Variants in SNX14 observed in about 807,000 individuals in gnomAD.
SNX14 encodes sorting nexin 14.
In SNX14, 93 loss-of-function variants were observed where a neutral mutation model predicts 133.8. That is an observed-to-expected ratio of 0.70 (90% CI 0.59 to 0.83). SNX14 has a LOEUF of 0.83. Ranked by LOEUF, SNX14 falls within the 40% of genes least tolerant of loss-of-function variation. The probability of loss-of-function intolerance (pLI) is 0.00; values close to 1 mark genes in which losing one functional copy is unlikely to be tolerated. For synonymous variants in SNX14, 368 were observed against 365.6 expected (o/e 1.01, Z -0.07); for missense variants, 945 against 1,094.9 (o/e 0.86, Z 1.93).
chr6:85,506,399 C>G (rs891530997), intron 28 of SNX14, among the ~76,000 whole-genome samples: 1 of 152,002 alleles, frequency 6.6e-6, no homozygotes, highest in African/African-American at 2.4e-5. Context: ...TCACTGCAAC[C>G]TCCTCCTCCC....
At chr6:85,552,288 G>A (rs144730082) in intron 7 of SNX14, among the ~76,000 whole-genome samples, 5,390 of 152,002 alleles carry the variant, frequency 0.035, 156 homozygotes, top group Non-Finnish European at 0.048. Flanking sequence ...CGCCCGCCTC[G>A]GCCTCCCAAA....
chr6:85,510,071 A>T (rs1416316168), intron 26 of SNX14, among the ~76,000 whole-genome samples: 1 of 152,156 alleles, frequency 6.6e-6, no homozygotes, highest in African/African-American at 2.4e-5. Flanking sequence ...GTTGCTTCCA[A>T]GTTTTGGCAA....
chr6:85,551,157 A>C (rs976376731), intron 7 of SNX14, among the ~76,000 whole-genome samples: 1 of 152,202 alleles, frequency 6.6e-6, no homozygotes, highest in East Asian at 1.9e-4. Flanking sequence ...ATATGCCCTC[A>C]GCCCTCAGAC....
intron 20 of SNX14, among the ~76,000 whole-genome samples, chr6:85,527,724 T>C (rs983759240): frequency 6.6e-6 from 1 of 152,098 alleles, no homozygotes; most frequent in Admixed American, 6.5e-5. Flanking sequence ...CATTTTAACA[T>C]AATGTAACGT....
At chr6:85,577,665 G>C (rs943474553) in intron 1 of SNX14, among the ~76,000 whole-genome samples, 2 of 151,862 alleles carry the variant, frequency 1.3e-5, no homozygotes, top group Non-Finnish European at 2.9e-5. Flanking sequence ...AGTTAAAAAA[G>C]AAATGAGCAT....
chr6:85,556,414 TG>T (rs1051942834), intron 7 of SNX14, among the ~76,000 whole-genome samples: 5 of 151,732 alleles, frequency 3.3e-5, no homozygotes, highest in Admixed American at 6.6e-5. Context: ...AAAAAAAATT[TG>T]TTTTTAATTT....
rs756498278 is a variant in SNX14 at position 85,574,293 on chromosome 6, G to T, written c.226C>A (p.Pro76Thr). The change falls in exon 2 of 29, where the codon CCA becomes ACA. Residue 76 changes from proline (P) to threonine (T), a missense_variant. Pro to Thr is a conservative substitution (Grantham distance 38). Transcript: ENST00000314673. ...TATTTTATTGTGAAGAATATATTTG[G>T]TAAGAGAGAATCAGGTCCTAGTGAG... ...YCSLGPDSLLPNIFFTIKYKP... is the reference protein window; with the variant it reads ...YCSLGPDSLLTNIFFTIKYKP... 1 of 1,594,210 alleles carries T rather than the reference G, an allele frequency of 6.3e-7. No homozygotes were observed. The highest frequency in any genetic ancestry group is 1.7e-5 in the Admixed American group (1 of 59,322).
intron 7 of SNX14, among the ~76,000 whole-genome samples, chr6:85,555,844 C>A (rs1789545485): frequency 6.6e-6 from 1 of 151,912 alleles, no homozygotes; most frequent in South Asian, 2.1e-4. Flanking sequence ...ACAAAATAGC[C>A]AAGCGTGGTG....
chr6:85,542,017 T>A lies in SNX14; in HGVS notation c.1416A>T (p.Ala472=), dbSNP rs756773374. The part of the protein sequence containing the change: ...DEYFRQLLRG[A]ESPTRNSKLN... ...ATTTTGAATTGCGTGTTGGTGATTC[T>A]GCACCTCTTAAAAGTTGTCTGAAAT... Residue 472 remains alanine (A), a synonymous_variant, in exon 15 of 29, where the codon GCA becomes GCT. Transcript: ENST00000314673. 3.1e-6 allele frequency: 5 copies of A among 1,591,576 alleles called. No homozygotes were observed. Among genetic ancestry groups the A allele is most frequent in the Non-Finnish European group, 4.3e-6 (5 of 1,170,242 alleles).
intron 1 of SNX14, among the ~76,000 whole-genome samples, chr6:85,590,157 C>T (rs1802354542): frequency 6.6e-6 from 1 of 152,186 alleles, no homozygotes; most frequent in Non-Finnish European, 1.5e-5. Context: ...TTCTTGTTGT[C>T]CAGGCCTCCT....
chr6:85,511,210 C>T lies in SNX14; in HGVS notation c.2653+2590G>A, dbSNP rs77104395. Among the ~76,000 whole-genome samples, 2,007 of 151,960 alleles carry T rather than the reference C, an allele frequency of 0.013. 93 individuals carry two copies. In the East Asian group the frequency reaches 0.13, roughly 10 times the overall value. Reference sequence around the variant, plus strand: ...TAGTATTTTTTTTAATTTCAAATACCACTTGCTCACTGATGATATACACGA... The same window carrying T: ...TAGTATTTTTTTTAATTTCAAATACTACTTGCTCACTGATGATATACACGA... On this transcript the variant is annotated intron_variant, in intron 26 of 28. Coordinates refer to ENST00000314673, the MANE Select transcript of SNX14 (RefSeq NM_153816.6).
chr6:85,557,963 A>T lies in SNX14; in HGVS notation c.634+13T>A, dbSNP rs1242573096. 4 of 1,515,304 alleles carry T rather than the reference A, an allele frequency of 2.6e-6. No homozygotes were observed. In the African/African-American group the frequency reaches 5.5e-5, roughly 21 times the overall value. The allele number at this position is 1,515,304 out of a possible 1,614,324, so 93.9% of individuals were successfully genotyped here. A position where few individuals can be genotyped will look rare whatever the true frequency, so the allele number is the denominator to read the frequency against. On this transcript the variant is annotated intron_variant, in intron 7 of 28. Coordinates refer to ENST00000314673, the MANE Select transcript of SNX14 (RefSeq NM_153816.6). ...AACAAAATTACTCAAACTGTAGTAG[A>T]AAACTGTATTACCTTTCTGTCTGGC... is the stretch of plus-strand genomic sequence containing the variant.
chr6:85,553,286 T>A (rs545023991), intron 7 of SNX14, among the ~76,000 whole-genome samples: 1 of 152,148 alleles, frequency 6.6e-6, no homozygotes, highest in African/African-American at 2.4e-5. Context: ...AAGAACATAG[T>A]TTTTATAAAA....
At chr6:85,517,606 C>A (rs558297078) in intron 23 of SNX14, 150 bp downstream of exon 23, 5 of 831,180 alleles carry the variant, frequency 6.0e-6, no homozygotes, top group African/African-American at 5.3e-5. Context: ...ACACAATACC[C>A]TCTGTATACC....
chr6:85,548,386 G>C lies in SNX14; in HGVS notation c.792-10C>G. On this transcript the variant is annotated splice_polypyrimidine_tract_variant and intron_variant, in intron 8 of 28. Coordinates refer to ENST00000314673, the MANE Select transcript of SNX14 (RefSeq NM_153816.6). ...AAGTAAGGTCAGAGATCTGGAAAAA[G>C]AAATAATAATAATTGTTTATATTTA... is the stretch of plus-strand genomic sequence containing the variant. 1 of 1,558,894 alleles carries C rather than the reference G, an allele frequency of 6.4e-7. No homozygotes were observed. Among genetic ancestry groups the C allele is most frequent in the Non-Finnish European group, 8.7e-7 (1 of 1,146,778 alleles).
intron 15 of SNX14, among the ~76,000 whole-genome samples, chr6:85,539,505 T>C (rs1306405638): frequency 6.6e-6 from 1 of 152,142 alleles, no homozygotes; most frequent in East Asian, 1.9e-4. Context: ...ATAAATAATA[T>C]GCATTAGAAT....
chr6:85,579,506 G>C (rs1465522842), intron 1 of SNX14, among the ~76,000 whole-genome samples: 1 of 152,182 alleles, frequency 6.6e-6, no homozygotes, highest in Non-Finnish European at 1.5e-5. Flanking sequence ...AAGAGGCATG[G>C]AAGAGGGTAG....
chr6:85,514,607 T>A lies in SNX14; in HGVS notation c.2291A>T (p.Asn764Ile), dbSNP rs1218645278. 6.2e-7 allele frequency: 1 copy of A among 1,611,782 alleles called. No homozygotes were observed. The highest frequency in any genetic ancestry group is 8.5e-7 in the Non-Finnish European group (1 of 1,178,642). ...TGTATTTTCAGCACGGTTTGCATTA[T>A]TTTTAAACAGATCATTGAAAAGCTA... ...NKKLFNDLFK[N>I]NANRAENTER... The change falls in exon 24 of 29, where the codon AAT (asparagine) becomes ATT (isoleucine). Residue 764 changes from asparagine to isoleucine, a missense_variant. By Grantham distance (149) the Asn-to-Ile change is moderately radical. Transcript: ENST00000314673.
intron 1 of SNX14, among the ~76,000 whole-genome samples, chr6:85,592,646 A>G (rs1803163684): frequency 6.6e-6 from 1 of 152,108 alleles, no homozygotes; most frequent in Non-Finnish European, 1.5e-5. Flanking sequence ...AACCTTTCGG[A>G]ATATTTCAGG....
Sources: gnomAD v4.1 joint callset for allele counts (sites outside exome capture counted in the v4.1 genomes callset) on GRCh38, gnomAD v4.1.1 for gene constraint, MANE v1.5 for transcripts, NCBI Gene and HGNC (gene_info 2026-07-23, HGNC 2026-07-21) for gene names.